Variants in SPG11 observed in about 807,000 individuals in gnomAD.
The protein encoded by SPG11 is spatacsin.
In SPG11, 222 loss-of-function variants were observed where a neutral mutation model predicts 274.0. That is an observed-to-expected ratio of 0.81 (90% CI 0.73 to 0.91). The LOEUF (loss-of-function observed/expected upper bound fraction) is 0.91. Among genes scored for constraint, SPG11 ranks in the 40% least tolerant of loss-of-function variants. The pLI, the probability that SPG11 is intolerant of heterozygous loss-of-function variation, is 0.00. For synonymous variants in SPG11, 1,144 were observed against 1,039.7 expected (o/e 1.10, Z -1.93); for missense variants, 3,114 against 2,872.7 (o/e 1.08, Z -1.92).
intron 30 of SPG11, among the ~76,000 whole-genome samples, chr15:44,583,063 A>C (rs1458017857): frequency 6.6e-6 from 1 of 150,708 alleles, no homozygotes; most frequent in African/African-American, 2.5e-5. Flanking sequence ...TACAGATTGG[A>C]AAGGCAGAAA....
intron 28 of SPG11, among the ~76,000 whole-genome samples, chr15:44,587,640 G>A (rs978615999): frequency 7.4e-6 from 1 of 135,460 alleles, no homozygotes; most frequent in Non-Finnish European, 1.5e-5. Context: ...CAGTTGCAGT[G>A]AGCTGAGAAC....
At chr15:44,609,391 C>T (rs961277570) in intron 18 of SPG11, among the ~76,000 whole-genome samples, 1 of 151,952 alleles carries the variant, frequency 6.6e-6, no homozygotes, top group Non-Finnish European at 1.5e-5. Flanking sequence ...ACCCTCCCAA[C>T]GTGCTGGGAT....
In SPG11 at chr15:44,658,509, A is replaced by C. The variant is rs1402108039; in HGVS notation, c.667+570T>G. On this transcript the variant is annotated intron_variant, in intron 3 of 39. Coordinates refer to ENST00000261866, the MANE Select transcript of SPG11 (RefSeq NM_025137.4). ...AGTCTCAGTCTGTTGCCTAGGCTGG[A>C]GTGCAGTGGTACGATCTTGGCTCAC... Among the ~76,000 whole-genome samples, 5 of 150,230 alleles carry C rather than the reference A, an allele frequency of 3.3e-5. No homozygotes were observed. In the Admixed American group the frequency reaches 3.3e-4, roughly 10 times the overall value.
chr15:44,581,189 C>G (rs149578061), intron 30 of SPG11, among the ~76,000 whole-genome samples: 73 of 152,286 alleles, frequency 4.8e-4, no homozygotes, highest in East Asian at 4.2e-3. Context: ...TTTTCAAGCA[C>G]TGAAAGAAAA....
intron 4 of SPG11, among the ~76,000 whole-genome samples, chr15:44,653,396 C>A (rs371002769): frequency 6.6e-6 from 1 of 151,840 alleles, no homozygotes; most frequent in Non-Finnish European, 1.5e-5. Flanking sequence ...GAAGGTAGGG[C>A]GAAAATGAGA....
At chr15:44,586,661 T>G (rs928756428) in intron 28 of SPG11, among the ~76,000 whole-genome samples, 1 of 151,630 alleles carries the variant, frequency 6.6e-6, no homozygotes, top group African/African-American at 2.4e-5. Context: ...AAAAAAAAAC[T>G]GTTAGAGATT....
intron 18 of SPG11, 58 bp from the exon 19 acceptor site, chr15:44,608,663 C>T (rs1034783044): frequency 6.5e-7 from 1 of 1,544,924 alleles, no homozygotes; most frequent in African/African-American, 1.4e-5. Context: ...CTCAAAGTTT[C>T]TTTTTTTCAC....
chr15:44,614,235 G>C (rs923335607), intron 16 of SPG11, among the ~76,000 whole-genome samples: 2 of 151,710 alleles, frequency 1.3e-5, no homozygotes, highest in Non-Finnish European at 2.9e-5. Flanking sequence ...CTCCTAGTCT[G>C]TTTTTTTTGA....
chr15:44,579,153 A>G lies in SPG11; in HGVS notation c.5867-4112T>C, dbSNP rs531682824. Among the ~76,000 whole-genome samples, 68 of 151,076 alleles carry G rather than the reference A, an allele frequency of 4.5e-4. 2 individuals carry two copies. In the South Asian group the frequency reaches 0.014, roughly 31 times the overall value. The stretch of plus-strand genomic sequence containing the variant: ...AGCCTGGGTGACAGAGTGAGACTCC[A>G]TCTCGAAAAACAAAAACAAGAAAAC... On this transcript the variant is annotated intron_variant, in intron 30 of 39. Transcript: ENST00000261866.
chr15:44,663,548 G>T lies in SPG11; in HGVS notation c.100C>A (p.Pro34Thr). 1 of 1,597,996 alleles carries T rather than the reference G, an allele frequency of 6.3e-7. No individual in the cohort carries two copies. Among genetic ancestry groups the T allele is most frequent in the Non-Finnish European group, 8.5e-7 (1 of 1,173,554 alleles). The change falls in exon 1 of 40, where the codon CCC becomes ACC. Residue 34 changes from proline to threonine, a missense_variant. Transcript: ENST00000261866. ...CCGAGCTGCCCCATCGCCTCGGCGG[G>T]GACTGGCACCAACAGCATCGGTAGA... is the stretch of plus-strand genomic sequence containing the variant. ...RVLPMLLVPV[P>T]AEAMGQLGSR...
chr15:44,648,204 T>C (rs2084658598), intron 7 of SPG11, among the ~76,000 whole-genome samples: 1 of 152,180 alleles, frequency 6.6e-6, no homozygotes, highest in African/African-American at 2.4e-5. Flanking sequence ...ATGCCTCTTC[T>C]GAAGTTGGAT....
At chr15:44,661,754 G>A (rs2085115121) in intron 1 of SPG11, among the ~76,000 whole-genome samples, 1 of 151,920 alleles carries the variant, frequency 6.6e-6, no homozygotes, top group African/African-American at 2.4e-5. Context: ...ATTGCCACAT[G>A]GAAAGACAGG....
chr15:44,636,496 C>T lies in SPG11; in HGVS notation c.1603-2859G>A, dbSNP rs1035894294. Among the ~76,000 whole-genome samples, 5 of 151,172 alleles carry T rather than the reference C, an allele frequency of 3.3e-5. No individual in the cohort carries two copies. In the East Asian group the frequency reaches 5.8e-4, roughly 18 times the overall value. ...CTACCATGGTGAAACCCCGTCTCTACTAAAAAATACAAAAAATTAGCCGGG... is the reference window on the plus strand; with the variant it reads ...CTACCATGGTGAAACCCCGTCTCTATTAAAAAATACAAAAAATTAGCCGGG... On this transcript the variant is annotated intron_variant, in intron 7 of 39. Coordinates refer to ENST00000261866, the MANE Select transcript of SPG11 (RefSeq NM_025137.4).
Position 44,592,984 on chromosome 15 carries a change from C to CA in SPG11, c.4636-547dup, listed in dbSNP as rs966388849. The stretch of plus-strand genomic sequence containing the variant: ...TGGGCAACAGAGCAAGACTCTGCCT[C>CA]AAAAAAAAAAAAAAGAAATGCTATT... On this transcript the variant is annotated intron_variant, in intron 26 of 39. Transcript: ENST00000261866. 7.1e-3 allele frequency among the ~76,000 whole-genome samples: 835 copies of CA among 117,304 alleles called. 3 individuals carry two copies. Among genetic ancestry groups the CA allele is most frequent in the African/African-American group, 0.019 (600 of 31,466 alleles). 77.0% of individuals were successfully genotyped at this position (117,304 alleles called of 152,430 possible). A position where few individuals can be genotyped will look rare whatever the true frequency, so the allele number is the denominator to read the frequency against.
intron 5 of SPG11, 84 bp from the exon 6 acceptor site, chr15:44,652,023 TA>T (rs999406661): frequency 0.013 from 15,296 of 1,135,034 alleles, 1 homozygote; most frequent in Non-Finnish European, 0.015. Flanking sequence ...AAGATGTTCT[TA>T]AAAAAAAAAA....
chr15:44,628,602 C>T (rs949099342), intron 10 of SPG11, 67 bp downstream of exon 10: 2 of 1,416,424 alleles, frequency 1.4e-6, no homozygotes, highest in African/African-American at 2.8e-5. Flanking sequence ...AATTCTGTTT[C>T]TTTCTATTGT....
At chr15:44,612,724 G>A (rs1397950191) in intron 17 of SPG11, among the ~76,000 whole-genome samples, 1 of 151,872 alleles carries the variant, frequency 6.6e-6, no homozygotes, top group East Asian at 1.9e-4. Context: ...GTTGTCTGTG[G>A]CTTCTAATTT....
intron 7 of SPG11, among the ~76,000 whole-genome samples, chr15:44,645,278 C>G (rs953905118): frequency 6.6e-6 from 1 of 152,136 alleles, no homozygotes; most frequent in African/African-American, 2.4e-5. Flanking sequence ...GACACATAGA[C>G]CAATAGAACA....
chr15:44,612,630 C>T (rs1255009550), intron 17 of SPG11, among the ~76,000 whole-genome samples: 1 of 152,098 alleles, frequency 6.6e-6, no homozygotes, highest in East Asian at 1.9e-4. Flanking sequence ...CTCCTATCCT[C>T]AAGTGATCCT....
Sources: gnomAD v4.1 joint callset for allele counts (sites outside exome capture counted in the v4.1 genomes callset) on GRCh38, gnomAD v4.1.1 for gene constraint, MANE v1.5 for transcripts, NCBI Gene and HGNC (gene_info 2026-07-23, HGNC 2026-07-21) for gene names.